Variants in TMSB15B observed in about 807,000 individuals in gnomAD.
The protein encoded by TMSB15B is thymosin beta-15B.
At chrX:103,933,449 C>T (rs1322605595) in intron 1 of TMSB15B, among the ~76,000 whole-genome samples, 2 of 111,393 alleles carry the variant, frequency 1.8e-5, no homozygotes, top group Non-Finnish European at 3.8e-5. Flanking sequence ...TAATAACTAG[C>T]CCGGGCAAGA....
chrX:103,941,342 A>C lies in TMSB15B; in HGVS notation c.-720-20679A>C, dbSNP rs1240097186. 4.5e-5 allele frequency among the ~76,000 whole-genome samples: 5 copies of C among 111,975 alleles called. 1 individual carries two copies. Among genetic ancestry groups the C allele is most frequent in the Non-Finnish European group, 9.4e-5 (5 of 53,196 alleles). ...CAGACATCTCTTCAATATACGGTTT[A>C]AAACATTTTTTTTTTGGAAACATAC... On this transcript the variant is annotated intron_variant, in intron 1 of 3. Coordinates refer to the TMSB15B transcript ENST00000419165.
At chrX:103,933,531 GC>G (rs1452148830) in intron 1 of TMSB15B, among the ~76,000 whole-genome samples, 1 of 111,539 alleles carries the variant, frequency 9.0e-6, no homozygotes, top group Non-Finnish European at 1.9e-5. Flanking sequence ...CTTAGGGTTA[GC>G]CCCCATGCTG....
At chrX:103,947,485 C>T (rs1180745) in intron 1 of TMSB15B, among the ~76,000 whole-genome samples, 36,082 of 110,287 alleles carry the variant, frequency 0.33, 4,467 homozygotes, top group Admixed American at 0.51. Context: ...AGATATACAC[C>T]TAAGATATGT....
At chrX:103,950,695 T>C (rs1315215527) in intron 1 of TMSB15B, among the ~76,000 whole-genome samples, 1 of 109,842 alleles carries the variant, frequency 9.1e-6, no homozygotes, top group Admixed American at 9.8e-5. Context: ...CCACAAAAAA[T>C]TGGCCTGTTT....
intron 1 of TMSB15B, chrX:103,928,356 C>A: frequency 8.3e-7 from 1 of 1,209,645 alleles, no homozygotes; most frequent in Non-Finnish European, 1.1e-6. Flanking sequence ...CTCTTCTCTC[C>A]AAGATGTTGC....
intron 1 of TMSB15B, among the ~76,000 whole-genome samples, chrX:103,945,527 C>T (rs2075023346): frequency 8.9e-6 from 1 of 112,233 alleles, no homozygotes; most frequent in African/African-American, 3.2e-5. Context: ...TGCTTTAATC[C>T]CTTCATGAGA....
At chrX:103,928,752 T>C (rs1556319403) in intron 1 of TMSB15B, 7 of 1,172,580 alleles carry the variant, frequency 6.0e-6, no homozygotes, top group Admixed American at 2.2e-5. Context: ...TGTCTGGTAG[T>C]GTCAATGAAA....
chrX:103,943,772 C>T (rs1441011663), intron 1 of TMSB15B, among the ~76,000 whole-genome samples: 4 of 111,652 alleles, frequency 3.6e-5, no homozygotes, highest in African/African-American at 3.3e-5. Flanking sequence ...CTTTTCTCCT[C>T]TTCCTGGAAT....
intron 1 of TMSB15B, among the ~76,000 whole-genome samples, chrX:103,921,498 T>C (rs1556317791): frequency 9.0e-6 from 1 of 111,632 alleles, no homozygotes; most frequent in African/African-American, 3.3e-5. Flanking sequence ...AAATGGATTG[T>C]GTAAAGGTGC....
chrX:103,951,661 G>A (rs2075039508), intron 1 of TMSB15B, among the ~76,000 whole-genome samples: 2 of 111,246 alleles, frequency 1.8e-5, no homozygotes, highest in Admixed American at 1.9e-4. Flanking sequence ...GCCAGGGGTC[G>A]TGCTTTTGCC....
At chrX:103,952,797 T>C (rs1556328510) in intron 1 of TMSB15B, among the ~76,000 whole-genome samples, 1 of 111,486 alleles carries the variant, frequency 9.0e-6, no homozygotes, top group African/African-American at 3.3e-5. Context: ...CTGGAGCTTC[T>C]TGTCAACCCC....
At chrX:103,942,903 T>C (rs1265058294) in intron 1 of TMSB15B, among the ~76,000 whole-genome samples, 2 of 111,914 alleles carry the variant, frequency 1.8e-5, no homozygotes, top group African/African-American at 6.5e-5. Flanking sequence ...CATATATCTC[T>C]TAAGAAATCA....
rs143651067 is a variant in TMSB15B, at chrX:103,954,523, A to G, written c.-720-7498A>G. ...CAAGCCCACAGCAACTCCCCACATC[A>G]CTCTGCGGGCACCTGTCTACATGGG... On this transcript the variant is annotated intron_variant, in intron 1 of 3. Transcript: ENST00000419165. 3.2e-3 allele frequency among the ~76,000 whole-genome samples: 349 copies of G among 109,794 alleles called. 7 individuals carry two copies. In the East Asian group the frequency reaches 0.091, roughly 29 times the overall value.
chrX:103,934,707 A>T (rs1193685937), intron 1 of TMSB15B, among the ~76,000 whole-genome samples: 1 of 111,885 alleles, frequency 8.9e-6, no homozygotes, highest in Non-Finnish European at 1.9e-5. Flanking sequence ...TCCATGGTGT[A>T]TATATGCCAC....
At chrX:103,928,716 C>G (rs1327411746) in intron 1 of TMSB15B, 85 of 1,158,493 alleles carry the variant, frequency 7.3e-5, no homozygotes, top group Non-Finnish European at 9.5e-5. Flanking sequence ...CAGAGCAAGG[C>G]CTGGCCCATT....
chrX:103,948,873 A>G (rs2075032161), intron 1 of TMSB15B, among the ~76,000 whole-genome samples: 1 of 112,257 alleles, frequency 8.9e-6, no homozygotes. Context: ...CTGAAATAAG[A>G]TAATTAGCAT....
intron 1 of TMSB15B, among the ~76,000 whole-genome samples, chrX:103,944,026 G>A (rs183998558): frequency 5.5e-4 from 62 of 111,849 alleles, no homozygotes; most frequent in African/African-American, 1.9e-3. Context: ...TCATGTTATC[G>A]AGGGCAAGAG....
chrX:103,926,439 TG>T (rs1322148941), intron 1 of TMSB15B, among the ~76,000 whole-genome samples: 1 of 35,280 alleles, frequency 2.8e-5, no homozygotes, highest in Admixed American at 4.8e-4. Flanking sequence ...ATGGATAGAG[TG>T]GGGGGTATGA....
chrX:103,930,371 A>G (rs1297331166), intron 1 of TMSB15B, among the ~76,000 whole-genome samples: 3 of 111,222 alleles, frequency 2.7e-5, no homozygotes, highest in Non-Finnish European at 5.6e-5. Flanking sequence ...AGTCTCTGTG[A>G]TGCCCCTTTC....
Sources: allele counts gnomAD v4.1 joint callset (sites outside exome capture counted in the v4.1 genomes callset), GRCh38; gene constraint gnomAD v4.1.1; transcripts MANE v1.5; gene names NCBI Gene and HGNC (gene_info 2026-07-23, HGNC 2026-07-21).